HORMAD1: variants seen among roughly 807,000 people sequenced by gnomAD.
HORMAD1 encodes the protein HORMA domain containing 1.
In HORMAD1, 33 loss-of-function variants were observed where a neutral mutation model predicts 58.2. The observed-to-expected ratio is 0.57, with a 90% CI of 0.43 to 0.76. The LOEUF (loss-of-function observed/expected upper bound fraction) is 0.76, where lower values mean the gene tolerates loss of function less well. Among genes scored for constraint, HORMAD1 ranks in the 30% least tolerant of loss-of-function variants. The pLI is 0.00. For missense variants in HORMAD1, 363 were observed against 462.0 expected (o/e 0.79, Z 1.96); for synonymous variants, 137 against 144.6 (o/e 0.95, Z 0.38).
intron 5 of HORMAD1, 31 bp downstream of exon 5, chr1:150,714,052 GAA>G (rs587619481): frequency 7.5e-7 from 1 of 1,325,454 alleles, no homozygotes; most frequent in Non-Finnish European, 1.1e-6. Context: ...ATAAACTGTA[GAA>G]AAAAAAGGAT....
At chr1:150,715,475 G>A (rs1025416392) in intron 3 of HORMAD1, among the ~76,000 whole-genome samples, 8 of 152,084 alleles carry the variant, frequency 5.3e-5, no homozygotes, top group Non-Finnish European at 7.4e-5. Context: ...ACAAGATATC[G>A]TATATAACAT....
chr1:150,710,313 T>C (rs1308515826), intron 7 of HORMAD1, among the ~76,000 whole-genome samples: 1 of 152,146 alleles, frequency 6.6e-6, no homozygotes, highest in Non-Finnish European at 1.5e-5. Flanking sequence ...TTTGCTATAC[T>C]GTAACCACAG....
intron 13 of HORMAD1, among the ~76,000 whole-genome samples, chr1:150,702,744 G>C (rs990068774): frequency 2.6e-5 from 4 of 152,124 alleles, no homozygotes; most frequent in Non-Finnish European, 4.4e-5. Flanking sequence ...GGGCCTGTCA[G>C]GGGGTTGGAG....
intron 10 of HORMAD1, 107 bp from the exon 11 acceptor site, chr1:150,704,450 A>G: frequency 1.4e-6 from 1 of 696,936 alleles, no homozygotes; most frequent in Non-Finnish European, 2.4e-6. Context: ...GGCTAAATAC[A>G]ATATAAAACT....
intron 10 of HORMAD1, 32 bp from the exon 11 acceptor site, chr1:150,704,375 C>T: frequency 1.4e-6 from 2 of 1,407,004 alleles, no homozygotes; most frequent in South Asian, 1.3e-5. Flanking sequence ...AAAATTGACA[C>T]ATTTCAAAAA....
At chr1:150,699,848 A>T (rs1331337736) in intron 14 of HORMAD1, among the ~76,000 whole-genome samples, 1 of 152,082 alleles carries the variant, frequency 6.6e-6, no homozygotes, top group African/African-American at 2.4e-5. Context: ...TAATTTATAT[A>T]TTATAAATTC....
intron 7 of HORMAD1, 61 bp from the exon 8 acceptor site, chr1:150,709,022 T>C: frequency 4.9e-6 from 4 of 811,730 alleles, no homozygotes; most frequent in Non-Finnish European, 8.7e-6. Context: ...TAAATAGCTA[T>C]ATTCTGTTTT....
Position 150,714,087 on chromosome 1 carries a change from AT to A in HORMAD1, c.276del (p.Lys92AsnfsTer3). On this transcript the variant is annotated frameshift_variant, in exon 5 of 15. Coordinates refer to ENST00000361824, the MANE Select transcript of HORMAD1 (RefSeq NM_032132.5). LOFTEE classifies it high-confidence loss of function. ...GATAAAGAGATTGCAAGACTTACATATTTTTTCTGTAAAGCATCATAACATC... is the reference window on the plus strand; with the variant it reads ...GATAAAGAGATTGCAAGACTTACATATTTTTCTGTAAAGCATCATAACATC... ...MLGCYDALQK[K>X]YLRMVVLAVY... 3 of 1,526,820 alleles carry A rather than the reference AT, an allele frequency of 2.0e-6. No homozygotes were observed. Among genetic ancestry groups the A allele is most frequent in the Non-Finnish European group, 1.8e-6 (2 of 1,111,384 alleles). 94.6% of individuals were successfully genotyped at this position (1,526,820 alleles called of 1,614,324 possible).
rs746545095 is a variant in HORMAD1, at chr1:150,714,139, G to A, written c.243-18C>T. On this transcript the variant is annotated intron_variant, in intron 4 of 14. Coordinates refer to ENST00000361824, the MANE Select transcript of HORMAD1 (RefSeq NM_032132.5). ...CTAGCATCCTAAAAAAAAAATCAAG[G>A]ATTCATTTTTAGACTGAATGCATTT... The A allele has an allele frequency of 6.8e-7, 1 of 1,461,700 alleles. No homozygotes were observed. The highest frequency in any genetic ancestry group is 9.4e-7 in the Non-Finnish European group (1 of 1,061,426). The allele number at this position is 1,461,700 out of a possible 1,614,324, so 90.5% of individuals were successfully genotyped here.
At chr1:150,715,844 A>T (rs587764803) in intron 3 of HORMAD1, among the ~76,000 whole-genome samples, 27 of 152,188 alleles carry the variant, frequency 1.8e-4, no homozygotes, top group African/African-American at 6.5e-4. Context: ...ATTATACTTG[A>T]GAAACTGAGG....
chr1:150,711,250 TA>T (rs888559295), intron 7 of HORMAD1, among the ~76,000 whole-genome samples: 1 of 152,110 alleles, frequency 6.6e-6, no homozygotes, highest in South Asian at 2.1e-4. Context: ...AAATGTAGTA[TA>T]AAAAATACTA....
intron 14 of HORMAD1, 88 bp from the exon 15 acceptor site, chr1:150,698,822 C>T (rs979153799): frequency 1.3e-6 from 1 of 775,322 alleles, no homozygotes; most frequent in Non-Finnish European, 2.1e-6. Context: ...TGAGATTTCT[C>T]TTCTTTTTAA....
chr1:150,709,625 C>G (rs11204709), intron 7 of HORMAD1, among the ~76,000 whole-genome samples: 54,087 of 147,552 alleles, frequency 0.37, 9,409 homozygotes, highest in South Asian at 0.51. Context: ...GTCCCCCAGC[C>G]CGACACCCAT....
chr1:150,700,863 T>C (rs376214463), intron 13 of HORMAD1, among the ~76,000 whole-genome samples: 237 of 152,292 alleles, frequency 1.6e-3, no homozygotes, highest in Middle Eastern at 6.8e-3. Flanking sequence ...CATCTGTTGA[T>C]GTATATTTAG....
At chr1:150,709,913 C>T (rs1031628514) in intron 7 of HORMAD1, among the ~76,000 whole-genome samples, 9 of 152,148 alleles carry the variant, frequency 5.9e-5, no homozygotes, top group African/African-American at 2.2e-4. Context: ...TAGTACCTTC[C>T]CTTGAACTTA....
chr1:150,718,890 A>C (rs1173642502), intron 2 of HORMAD1, among the ~76,000 whole-genome samples: 1 of 152,262 alleles, frequency 6.6e-6, no homozygotes, highest in Non-Finnish European at 1.5e-5. Flanking sequence ...GCAACAAAGC[A>C]GTATTCATTA....
intron 13 of HORMAD1, among the ~76,000 whole-genome samples, chr1:150,702,359 T>C (rs1651562481): frequency 6.6e-6 from 1 of 152,272 alleles, no homozygotes; most frequent in Admixed American, 6.5e-5. Flanking sequence ...TGGAAGACAG[T>C]GTGGTGATTC....
intron 8 of HORMAD1, among the ~76,000 whole-genome samples, 185 bp from the exon 9 acceptor site, chr1:150,708,592 CTT>C (rs1168821392): frequency 1.3e-5 from 2 of 152,106 alleles, no homozygotes; most frequent in African/African-American, 2.4e-5. Context: ...GAAATAATAA[CTT>C]AATTTTACTT....
At chr1:150,705,451 G>C (rs1312832094) in intron 10 of HORMAD1, among the ~76,000 whole-genome samples, 1 of 152,098 alleles carries the variant, frequency 6.6e-6, no homozygotes, top group African/African-American at 2.4e-5. Context: ...CTTGAACCTG[G>C]GAGGAGGAGG....
Sources: allele counts gnomAD v4.1 joint callset (sites outside exome capture counted in the v4.1 genomes callset), GRCh38; gene constraint gnomAD v4.1.1; transcripts MANE v1.5; gene names NCBI Gene and HGNC (gene_info 2026-07-23, HGNC 2026-07-21).